The following PDZRN4 variants were observed in gnomAD, a reference collection of about 807,000 sequenced individuals.
PDZRN4 encodes the protein PDZ domain-containing RING finger protein 4.
Under a neutral mutation model 99.0 loss-of-function variants are expected in PDZRN4, and 70 were observed. The observed-to-expected ratio is 0.71, with a 90% CI of 0.58 to 0.86. The LOEUF (loss-of-function observed/expected upper bound fraction) is 0.86. Among genes scored for constraint, PDZRN4 ranks in the 40% least tolerant of loss-of-function variants. The pLI is 0.00. For missense variants in PDZRN4, 1,474 were observed against 1,331.2 expected, an observed-to-expected ratio of 1.11 and a Z score of -1.67; for synonymous variants, 551 against 501.6, an observed-to-expected ratio of 1.10 and a Z score of -1.32.
intron 5 of PDZRN4, among the ~76,000 whole-genome samples, chr12:41,531,745 T>G (rs1938665500): frequency 6.6e-6 from 1 of 152,218 alleles, no homozygotes; most frequent in Admixed American, 6.5e-5. Context: ...TTTATTGGCC[T>G]GTTCTGTTTT....
At chr12:41,521,398 G>T (rs986980207) in intron 5 of PDZRN4, among the ~76,000 whole-genome samples, 1 of 151,902 alleles carries the variant, frequency 6.6e-6, no homozygotes, top group African/African-American at 2.4e-5. Flanking sequence ...TAGAAAGCTT[G>T]TTGGGAAAAA....
intron 3 of PDZRN4, among the ~76,000 whole-genome samples, chr12:41,288,073 T>C (rs550015770): frequency 1.4e-4 from 22 of 152,230 alleles, no homozygotes; most frequent in African/African-American, 5.3e-4. Context: ...TACAACAATA[T>C]GTTACAAATT....
At position 41,188,932 on chromosome 12, in the gene PDZRN4, A is replaced by T; in HGVS notation, c.477A>T (p.Gly159=). The T allele has an allele frequency of 8.4e-7, 1 of 1,188,072 alleles. No homozygotes were observed. The highest frequency in any genetic ancestry group is 1.0e-6 in the Non-Finnish European group (1 of 960,648). The allele number at this position is 1,188,072 out of a possible 1,614,324, so 73.6% of individuals were successfully genotyped here. ...PPGGRWGRGR[G]PGPRVLAWRR... ...GCGGCCGCTGGGGCCGCGGGCGGGGACCCGGGCCTCGGGTCCTCGCCTGGA... is the reference window on the plus strand; with the variant it reads ...GCGGCCGCTGGGGCCGCGGGCGGGGTCCCGGGCCTCGGGTCCTCGCCTGGA... The change falls in exon 1 of 10, where the codon GGA becomes GGT. Residue 159 remains glycine (G), a synonymous_variant. Transcript: ENST00000402685.
chr12:41,448,353 A>C (rs1952746952), intron 3 of PDZRN4, among the ~76,000 whole-genome samples: 1 of 152,080 alleles, frequency 6.6e-6, no homozygotes, highest in Non-Finnish European at 1.5e-5. Context: ...CCTCACCCCT[A>C]TTCTGGTAAA....
Position 41,188,550 on chromosome 12 carries a change from C to T in PDZRN4, c.95C>T (p.Pro32Leu), listed in dbSNP as rs377146338. The change falls in exon 1 of 10, where the codon CCG becomes CTG. Residue 32 changes from proline to leucine, a missense_variant. Transcript: ENST00000402685. ...GTGCTTGAAGAGCCCCTGTGCACGC[C>T]GTGCGGGCACGTCTTCTGCGCCAGC... ...GQVLEEPLCT[P>L]CGHVFCASCL... 6.4e-7 allele frequency: 1 copy of T among 1,560,216 alleles called. No individual in the cohort carries two copies. Among genetic ancestry groups the T allele is most frequent in the Non-Finnish European group, 8.6e-7 (1 of 1,160,710 alleles).
chr12:41,467,753 C>A (rs1353117196), intron 3 of PDZRN4, among the ~76,000 whole-genome samples: 1 of 152,172 alleles, frequency 6.6e-6, no homozygotes, highest in Admixed American at 6.5e-5. Context: ...TGGTGACTCC[C>A]AACTCATAAT....
At chr12:41,287,598 C>A (rs1033085802) in intron 3 of PDZRN4, among the ~76,000 whole-genome samples, 2 of 152,244 alleles carry the variant, frequency 1.3e-5, no homozygotes, top group African/African-American at 4.8e-5. Flanking sequence ...CATAGAAAAT[C>A]TCTTGCCTTC....
intron 3 of PDZRN4, among the ~76,000 whole-genome samples, chr12:41,310,401 CACTCTTA>C (rs1462412210): frequency 6.6e-6 from 1 of 152,116 alleles, no homozygotes; most frequent in East Asian, 1.9e-4. Context: ...GATCATATCT[CACTCTTA>C]ACTTCATCCT....
At chr12:41,484,380 T>C (rs148061586) in intron 3 of PDZRN4, among the ~76,000 whole-genome samples, 1 of 152,348 alleles carries the variant, frequency 6.6e-6, no homozygotes, top group East Asian at 1.9e-4. Context: ...TTAACCTTAG[T>C]GCCTTTTGGC....
At chr12:41,524,206 G>A (rs1194398462) in intron 5 of PDZRN4, among the ~76,000 whole-genome samples, 2 of 152,092 alleles carry the variant, frequency 1.3e-5, no homozygotes, top group East Asian at 1.9e-4. Flanking sequence ...ATAAATTAAA[G>A]CAGACACAGA....
chr12:41,210,534 A>T (rs1269838915), intron 3 of PDZRN4, among the ~76,000 whole-genome samples: 1 of 152,010 alleles, frequency 6.6e-6, no homozygotes, highest in Non-Finnish European at 1.5e-5. Flanking sequence ...TATACTTTAG[A>T]TCTACTCTTC....
intron 3 of PDZRN4, among the ~76,000 whole-genome samples, chr12:41,200,462 T>C (rs1390975926): frequency 6.6e-6 from 1 of 152,152 alleles, no homozygotes; most frequent in African/African-American, 2.4e-5. Flanking sequence ...AGCACTGTTA[T>C]ATCCATTTTA....
At chr12:41,448,030 C>T (rs768982198) in intron 3 of PDZRN4, among the ~76,000 whole-genome samples, 7 of 152,108 alleles carry the variant, frequency 4.6e-5, no homozygotes, top group Non-Finnish European at 7.4e-5. Context: ...GAAATCCTCA[C>T]AACTACTTCT....
At chr12:41,566,251 A>T (rs943750431) in intron 8 of PDZRN4, among the ~76,000 whole-genome samples, 1 of 152,180 alleles carries the variant, frequency 6.6e-6, no homozygotes, top group Admixed American at 6.6e-5. Flanking sequence ...ACTCTGTTTC[A>T]TCATTCAATA....
intron 3 of PDZRN4, among the ~76,000 whole-genome samples, chr12:41,495,296 T>C (rs1160303688): frequency 2.0e-5 from 3 of 152,040 alleles, no homozygotes; most frequent in South Asian, 2.1e-4. Flanking sequence ...CCTCTGAAAA[T>C]GTAAGTCTTC....
At chr12:41,398,848 T>C (rs765334001) in intron 3 of PDZRN4, among the ~76,000 whole-genome samples, 8 of 152,180 alleles carry the variant, frequency 5.3e-5, no homozygotes, top group Non-Finnish European at 7.4e-5. Flanking sequence ...AGTAGTTTTT[T>C]GGTTGCATGA....
intron 3 of PDZRN4, among the ~76,000 whole-genome samples, chr12:41,265,732 T>C (rs978767537): frequency 6.6e-6 from 1 of 152,176 alleles, no homozygotes; most frequent in East Asian, 1.9e-4. Flanking sequence ...CTTAGTTATT[T>C]CATTGCATCA....
chr12:41,338,375 G>A (rs1163269746), intron 3 of PDZRN4, among the ~76,000 whole-genome samples: 1 of 151,842 alleles, frequency 6.6e-6, no homozygotes, highest in Non-Finnish European at 1.5e-5. Context: ...TAGCATTATG[G>A]ATTTTTAACA....
At chr12:41,312,980 C>T (rs1951616936) in intron 3 of PDZRN4, among the ~76,000 whole-genome samples, 1 of 152,190 alleles carries the variant, frequency 6.6e-6, no homozygotes, top group Non-Finnish European at 1.5e-5. Flanking sequence ...CCAGGCATCT[C>T]CGTCTGGATG....
Sources: allele counts gnomAD v4.1 joint callset (sites outside exome capture counted in the v4.1 genomes callset), GRCh38; gene constraint gnomAD v4.1.1; transcripts MANE v1.5; gene names NCBI Gene and HGNC (gene_info 2026-07-23, HGNC 2026-07-21).